Variants in ZDHHC14 observed in about 807,000 individuals in gnomAD.
ZDHHC14 encodes zDHHC palmitoyltransferase 14, also known as palmitoyltransferase ZDHHC14.
In ZDHHC14, 16 loss-of-function variants were observed where a neutral mutation model predicts 47.7. The ratio of observed to expected loss-of-function variants is 0.34; its 90% CI spans 0.23 to 0.51. ZDHHC14 has a LOEUF of 0.51. ZDHHC14 is among the 20% of genes least tolerant of loss of function. The pLI, the probability that ZDHHC14 is intolerant of heterozygous loss-of-function variation, is 0.97. For synonymous variants in ZDHHC14, 293 were observed against 278.9 expected (o/e 1.05, Z -0.50); for missense variants, 515 against 662.5 (o/e 0.78, Z 2.44).
intron 3 of ZDHHC14, among the ~76,000 whole-genome samples, chr6:157,610,901 C>T (rs1784727104): frequency 6.6e-6 from 1 of 152,246 alleles, no homozygotes; most frequent in Non-Finnish European, 1.5e-5. Flanking sequence ...AGAAATAGAA[C>T]TGCCACAGGA....
intron 1 of ZDHHC14, among the ~76,000 whole-genome samples, chr6:157,406,803 T>C (rs2114753201): frequency 6.6e-6 from 1 of 152,318 alleles, no homozygotes. Flanking sequence ...CAGCCTTGCT[T>C]CCTTTTTCTC....
In ZDHHC14 at chr6:157,382,232, A is replaced by C. The variant is rs781150607; in HGVS notation, c.211A>C (p.Ile71Leu). ...TGVFYLTLVL[I>L]LVTSGLFFAF... The stretch of plus-strand genomic sequence containing the variant: ...CGTCTTCTACCTGACGCTCGTCCTC[A>C]TCCTGGTCACTAGCGGACTCTTCTT... Residue 71 changes from isoleucine to leucine, a missense_variant, in exon 1 of 9, where the codon ATC becomes CTC. By Grantham distance (5) the Ile-to-Leu change is conservative. Transcript: ENST00000359775. 6.2e-7 allele frequency: 1 copy of C among 1,611,742 alleles called. No individual in the cohort carries two copies. Among genetic ancestry groups the C allele is most frequent in the Non-Finnish European group, 8.5e-7 (1 of 1,179,002 alleles).
chr6:157,635,471 T>G (rs1161057753), intron 5 of ZDHHC14, among the ~76,000 whole-genome samples: 1 of 152,224 alleles, frequency 6.6e-6, no homozygotes, highest in Non-Finnish European at 1.5e-5. Flanking sequence ...CTTAACCCTT[T>G]TGTGTCTCAA....
intron 1 of ZDHHC14, among the ~76,000 whole-genome samples, chr6:157,525,814 C>T (rs1006321026): frequency 2.0e-5 from 3 of 152,182 alleles, no homozygotes; most frequent in Non-Finnish European, 4.4e-5. Context: ...TGCGAGGGGA[C>T]AGGGCTTCCT....
At chr6:157,611,090 C>G (rs530411579) in intron 3 of ZDHHC14, among the ~76,000 whole-genome samples, 31 of 152,306 alleles carry the variant, frequency 2.0e-4, no homozygotes, top group African/African-American at 7.5e-4. Flanking sequence ...TCTCCACCTC[C>G]CGGGTTCAAG....
intron 3 of ZDHHC14, among the ~76,000 whole-genome samples, chr6:157,613,754 T>G (rs562649915): frequency 2.0e-5 from 3 of 152,294 alleles, no homozygotes; most frequent in Admixed American, 2.0e-4. Context: ...AGGTCATCCA[T>G]TCTTAACCTG....
chr6:157,580,465 G>A (rs962327765), intron 2 of ZDHHC14, among the ~76,000 whole-genome samples: 1 of 152,088 alleles, frequency 6.6e-6, no homozygotes, highest in Non-Finnish European at 1.5e-5. Context: ...CAGTAGGAAT[G>A]GTACCAGCTC....
At chr6:157,497,286 G>A (rs1440726025) in intron 1 of ZDHHC14, among the ~76,000 whole-genome samples, 1 of 152,170 alleles carries the variant, frequency 6.6e-6, no homozygotes, top group African/African-American at 2.4e-5. Context: ...TGGAAAAGGT[G>A]GAGCTTTGAG....
At chr6:157,474,593 A>G (rs906684765) in intron 1 of ZDHHC14, among the ~76,000 whole-genome samples, 5 of 152,186 alleles carry the variant, frequency 3.3e-5, no homozygotes, top group African/African-American at 7.2e-5. Context: ...TGTCTTATTG[A>G]TAACAGTCAT....
At chr6:157,425,323 C>A (rs1042757587) in intron 1 of ZDHHC14, among the ~76,000 whole-genome samples, 1 of 152,178 alleles carries the variant, frequency 6.6e-6, no homozygotes, top group Non-Finnish European at 1.5e-5. Context: ...TTCTACCACC[C>A]TACTGAATTC....
At chr6:157,523,928 T>A (rs542470126) in intron 1 of ZDHHC14, among the ~76,000 whole-genome samples, 2 of 150,792 alleles carry the variant, frequency 1.3e-5, no homozygotes, top group South Asian at 4.2e-4. Flanking sequence ...TGGTAAATGT[T>A]TCTCTCTTAC....
chr6:157,634,992 C>CTT (rs112627001), intron 5 of ZDHHC14, among the ~76,000 whole-genome samples: 1 of 145,376 alleles, frequency 6.9e-6, no homozygotes, highest in Non-Finnish European at 1.5e-5. Context: ...GCTACCTGGT[C>CTT]TTTTTTTTTT....
chr6:157,527,688 C>T (rs1781208343), intron 1 of ZDHHC14, among the ~76,000 whole-genome samples: 1 of 152,176 alleles, frequency 6.6e-6, no homozygotes, highest in Non-Finnish European at 1.5e-5. Flanking sequence ...GCTTTTTGAC[C>T]TCAAGTTTCA....
Position 157,592,984 on chromosome 6 carries a change from A to G in ZDHHC14, c.407-4A>G. ...GTGCGCTCTTTCTCTTCTTTTCTCC[A>G]CAGATATCGCAAACGGCACCAGTTC... On this transcript the variant is annotated splice_region_variant and splice_polypyrimidine_tract_variant and intron_variant, in intron 2 of 8. Coordinates refer to ENST00000359775, the MANE Select transcript of ZDHHC14 (RefSeq NM_024630.3). 1 of 1,609,416 alleles carries G rather than the reference A, an allele frequency of 6.2e-7. No individual in the cohort carries two copies. Among genetic ancestry groups the G allele is most frequent in the Non-Finnish European group, 8.5e-7 (1 of 1,178,318 alleles).
At chr6:157,596,957 G>C (rs898449995) in intron 3 of ZDHHC14, among the ~76,000 whole-genome samples, 1 of 152,154 alleles carries the variant, frequency 6.6e-6, no homozygotes, top group Non-Finnish European at 1.5e-5. Context: ...GGATTTAGAT[G>C]ATCTGCCGTG....
chr6:157,459,273 C>T (rs1779008461), intron 1 of ZDHHC14, among the ~76,000 whole-genome samples: 1 of 152,164 alleles, frequency 6.6e-6, no homozygotes, highest in Admixed American at 6.5e-5. Context: ...TCCTGCTGTT[C>T]TGCCTAGATG....
chr6:157,654,252 G>A (rs149706345), intron 8 of ZDHHC14, among the ~76,000 whole-genome samples: 193 of 152,310 alleles, frequency 1.3e-3, no homozygotes, highest in African/African-American at 4.4e-3. Context: ...CAGCGTGCAG[G>A]TGGAGATCTG....
intron 3 of ZDHHC14, among the ~76,000 whole-genome samples, chr6:157,618,612 G>A (rs1001365895): frequency 5.9e-5 from 9 of 152,070 alleles, no homozygotes; most frequent in South Asian, 2.1e-4. Flanking sequence ...ATGAGCCCCC[G>A]CGCCCGGCCA....
intron 3 of ZDHHC14, among the ~76,000 whole-genome samples, chr6:157,593,822 G>A (rs1784012711): frequency 6.6e-6 from 1 of 152,204 alleles, no homozygotes; most frequent in Non-Finnish European, 1.5e-5. Context: ...ACTGCAGACT[G>A]AGAGCTGCTC....
Sources: allele counts gnomAD v4.1 joint callset (sites outside exome capture counted in the v4.1 genomes callset), GRCh38; gene constraint gnomAD v4.1.1; transcripts MANE v1.5; gene names NCBI Gene and HGNC (gene_info 2026-07-23, HGNC 2026-07-21).